Variants in SORL1 observed in about 807,000 individuals in gnomAD.
The protein encoded by SORL1 is sortilin-related receptor.
Under a neutral mutation model 273.7 loss-of-function variants are expected in SORL1, and 127 were observed. The observed-to-expected ratio is 0.46, with a 90% confidence interval of 0.40 to 0.54. The LOEUF (loss-of-function observed/expected upper bound fraction) is 0.54, where lower values mean the gene tolerates loss of function less well. SORL1 is among the 20% of genes least tolerant of loss of function. SORL1 has a pLI of 0.00. For missense variants in SORL1, 2,494 were observed against 2,846.1 expected (o/e 0.88, Z 2.81); for synonymous variants, 1,031 against 1,067.4 (o/e 0.97, Z 0.66).
intron 8 of SORL1, 46 bp from the exon 9 acceptor site, chr11:121,520,611 A>G (rs764232578): frequency 2.3e-6 from 3 of 1,324,776 alleles, no homozygotes; most frequent in South Asian, 1.5e-5. Context: ...TACAATAACA[A>G]GCAAATACCA....
At chr11:121,523,983 A>G (rs1862081720) in intron 11 of SORL1, among the ~76,000 whole-genome samples, 1 of 152,230 alleles carries the variant, frequency 6.6e-6, no homozygotes. Context: ...GAGGCCTGTC[A>G]CAAGCCTTCT....
At chr11:121,479,960 C>T (rs1861346873) in intron 3 of SORL1, among the ~76,000 whole-genome samples, 1 of 152,102 alleles carries the variant, frequency 6.6e-6, no homozygotes, top group Non-Finnish European at 1.5e-5. Context: ...CCTTTGTGCC[C>T]CTTTGCCCCA....
Position 121,590,179 on chromosome 11 carries a change from G to C in SORL1, c.4213+5G>C, listed in dbSNP as rs199926915. The C allele has an allele frequency of 2.9e-4, 465 of 1,613,992 alleles. 3 individuals are homozygous for C. In the African/African-American group the frequency reaches 5.6e-3, roughly 19 times the overall value. On this transcript the variant is annotated splice_donor_5th_base_variant and intron_variant, in intron 30 of 47. Coordinates refer to ENST00000260197, the MANE Select transcript of SORL1 (RefSeq NM_003105.6). The stretch of plus-strand genomic sequence containing the variant: ...CTGATGAGAAGGATTGTGGAGGTAA[G>C]AGGCCCCTGGGGCCTGGGTTAGCCC...
chr11:121,522,447 G>C (rs914346953), intron 9 of SORL1, 139 bp from the exon 10 acceptor site: 2 of 695,010 alleles, frequency 2.9e-6, no homozygotes, highest in African/African-American at 3.5e-5. Context: ...GGGACAGCTG[G>C]GCTGTGAGTC....
chr11:121,531,209 C>G (rs1862197496), intron 11 of SORL1, among the ~76,000 whole-genome samples: 2 of 152,248 alleles, frequency 1.3e-5, no homozygotes, highest in East Asian at 1.9e-4. Flanking sequence ...GCCTGACCAA[C>G]ATGGTGAAAC....
intron 3 of SORL1, among the ~76,000 whole-genome samples, chr11:121,485,437 G>A (rs542822959): frequency 1.3e-5 from 2 of 152,354 alleles, no homozygotes; most frequent in South Asian, 2.1e-4. Context: ...CTCAGTCTCA[G>A]TGTCCTCATT....
intron 2 of SORL1, among the ~76,000 whole-genome samples, chr11:121,475,939 T>C (rs1861260834): frequency 6.6e-6 from 1 of 152,258 alleles, no homozygotes; most frequent in African/African-American, 2.4e-5. Flanking sequence ...GAAATCTTTG[T>C]TGAGCACCTG....
chr11:121,592,763 G>A (rs540699852), intron 31 of SORL1, among the ~76,000 whole-genome samples: 2 of 152,312 alleles, frequency 1.3e-5, no homozygotes, highest in African/African-American at 2.4e-5. Flanking sequence ...TTGTAAAAGA[G>A]AAAACAAAAC....
At chr11:121,613,202 C>T (rs989422696) in intron 40 of SORL1, among the ~76,000 whole-genome samples, 26 of 152,290 alleles carry the variant, frequency 1.7e-4, no homozygotes, top group South Asian at 1.0e-3. Flanking sequence ...TTCACTCTCC[C>T]GTTGCTAATG....
chr11:121,581,430 T>C (rs1260560710), intron 25 of SORL1, among the ~76,000 whole-genome samples: 1 of 152,176 alleles, frequency 6.6e-6, no homozygotes, highest in Non-Finnish European at 1.5e-5. Flanking sequence ...CACGATTGTT[T>C]ACCACACGAA....
At chr11:121,549,886 G>C in intron 14 of SORL1, 74 bp from the exon 15 acceptor site, 1 of 1,419,512 alleles carries the variant, frequency 7.0e-7, no homozygotes, top group Non-Finnish European at 9.7e-7. Flanking sequence ...GTAAGGTAAA[G>C]TCAGCAGAAT....
intron 9 of SORL1, 48 bp downstream of exon 9, chr11:121,520,897 C>A (rs1357666169): frequency 1.3e-5 from 18 of 1,367,752 alleles, no homozygotes; most frequent in Non-Finnish European, 1.8e-5. Context: ...AAGGAAAGAG[C>A]CCTGCTCTGT....
In SORL1 at chr11:121,627,420, G is replaced by A. The variant is rs12295680; in HGVS notation, c.6365-135G>A. On this transcript the variant is annotated intron_variant, in intron 46 of 47. Transcript: ENST00000260197. This position sits in a 1 kb window ranked among gnomAD's most constrained non-coding sequence, Gnocchi z 4.9. The stretch of plus-strand genomic sequence containing the variant: ...TCAGGCATCACGCACATGCAGAAAC[G>A]TCTCACACCAGACAGGCAGTTTGTG... 115 of 709,280 alleles carry A rather than the reference G, an allele frequency of 1.6e-4. 1 individual carries two copies. The highest frequency in any genetic ancestry group is 1.6e-3 in the African/African-American group (92 of 56,880). The allele number at this position is 709,280 out of a possible 1,614,324, so 43.9% of individuals were successfully genotyped here.
rs545522170 is a variant in SORL1, at chr11:121,543,591, T to C, written c.1729T>C (p.Ser577Pro). The C allele has an allele frequency of 5.5e-5, 88 of 1,614,010 alleles. No individual in the cohort carries two copies. The highest frequency in any genetic ancestry group is 6.6e-5 in the Non-Finnish European group (78 of 1,179,970). The change falls in exon 13 of 48, where the codon TCT (serine) becomes CCT (proline). Residue 577 changes from serine to proline, a missense_variant. Ser to Pro is a moderately conservative substitution (Grantham distance 74). Around this residue, in one of 3 missense-constraint regions of SORL1, gnomAD observed 710 missense variants for 882.5 expected, o/e 0.80. Transcript: ENST00000260197. ...EGETWKTFIF[S>P]EKPVFVYGLL... ...GGAGACCTGGAAAACATTCATCTTC[T>C]CTGAGAAGCCAGTGTTTGTGTATGG...
chr11:121,501,928 G>T (rs1335761234), intron 6 of SORL1, among the ~76,000 whole-genome samples: 1 of 151,984 alleles, frequency 6.6e-6, no homozygotes, highest in Non-Finnish European at 1.5e-5. Flanking sequence ...ATTTTTAATG[G>T]CTGACTAGTA....
intron 25 of SORL1, among the ~76,000 whole-genome samples, chr11:121,581,890 G>A (rs1160840157): frequency 1.3e-5 from 2 of 152,226 alleles, no homozygotes; most frequent in African/African-American, 4.8e-5. Context: ...AGGTGTCGGT[G>A]AGGGATGTTT....
At chr11:121,471,046 G>A (rs1861159995) in intron 2 of SORL1, among the ~76,000 whole-genome samples, 1 of 152,176 alleles carries the variant, frequency 6.6e-6, no homozygotes, top group African/African-American at 2.4e-5. Context: ...CTTGAAGTCT[G>A]TGGCCTTGTT....
chr11:121,477,069 G>A (rs1861280440), intron 2 of SORL1, among the ~76,000 whole-genome samples: 1 of 152,044 alleles, frequency 6.6e-6, no homozygotes, highest in Non-Finnish European at 1.5e-5. Flanking sequence ...TGGGGTTACA[G>A]GCGTGAGCCA....
rs115119243 is a variant in SORL1 at position 121,556,068 on chromosome 11, C to T, written c.2571+750C>T. 4.3e-3 allele frequency among the ~76,000 whole-genome samples: 655 copies of T among 152,296 alleles called. 3 individuals are homozygous for T. Among genetic ancestry groups the T allele is most frequent in the African/African-American group, 0.012 (500 of 41,558 alleles). On this transcript the variant is annotated intron_variant, in intron 18 of 47. Transcript: ENST00000260197. ...TGTAGGCTTGACTCCACTAGCTCAG[C>T]GACATGGGGCAAGGTGCTTATGCTT... is the stretch of plus-strand genomic sequence containing the variant.
Sources: allele counts gnomAD v4.1 joint callset (sites outside exome capture counted in the v4.1 genomes callset), GRCh38; gene constraint gnomAD v4.1.1; regional missense constraint gnomAD v4.1.1; non-coding constraint Gnocchi (gnomAD v3.1); transcripts MANE v1.5; gene names NCBI Gene and HGNC (gene_info 2026-07-23, HGNC 2026-07-21).